MYO18B: variants seen among roughly 807,000 people sequenced by gnomAD.
MYO18B encodes the protein myosin XVIIIB.
In MYO18B, 204 loss-of-function variants were observed where a neutral mutation model predicts 273.0. That is an observed-to-expected ratio of 0.75 (90% confidence interval 0.67 to 0.84). The LOEUF is 0.84. Among genes scored for constraint, MYO18B ranks in the 40% least tolerant of loss-of-function variants. The probability of loss-of-function intolerance (pLI) is 0.00; values close to 1 mark genes in which losing one functional copy is unlikely to be tolerated. For missense variants in MYO18B, 3,212 were observed against 3,287.6 expected, an observed-to-expected ratio of 0.98 and a Z score of 0.56; for synonymous variants, 1,330 against 1,305.7, an observed-to-expected ratio of 1.02 and a Z score of -0.40.
At chr22:25,985,669 A>G (rs1187407509) in intron 39 of MYO18B, among the ~76,000 whole-genome samples, 2 of 104,030 alleles carry the variant, frequency 1.9e-5, no homozygotes, top group African/African-American at 3.3e-5. Flanking sequence ...TCGCTCTGTC[A>G]CCTAGGCTGG....
chr22:25,780,590 C>CAAAAAAAAAAA (rs59082074), intron 9 of MYO18B, among the ~76,000 whole-genome samples: 1 of 65,206 alleles, frequency 1.5e-5, no homozygotes, highest in African/African-American at 6.4e-5. Context: ...AACTCCATCT[C>CAAAAAAAAAAA]AAAAAAAAAA....
intron 28 of MYO18B, chr22:25,898,032 G>A (rs544476939): frequency 3.5e-4 from 131 of 371,508 alleles, no homozygotes; most frequent in African/African-American, 2.5e-3. Flanking sequence ...GGTAAAGTCT[G>A]TGGGTGCATT....
intron 11 of MYO18B, among the ~76,000 whole-genome samples, chr22:25,785,852 C>T (rs557391731): frequency 3.4e-4 from 52 of 152,204 alleles, no homozygotes; most frequent in African/African-American, 1.2e-3. Context: ...GTATCTGCCT[C>T]ATAGGGTTGT....
intron 21 of MYO18B, among the ~76,000 whole-genome samples, chr22:25,855,157 G>A (rs537884138): frequency 1.7e-4 from 26 of 151,996 alleles, no homozygotes; most frequent in Admixed American, 5.9e-4. Context: ...GTGTCCATTT[G>A]CTTTCATCAT....
At chr22:25,958,516 G>T (rs1205980196) in intron 39 of MYO18B, among the ~76,000 whole-genome samples, 1 of 152,134 alleles carries the variant, frequency 6.6e-6, no homozygotes, top group African/African-American at 2.4e-5. Flanking sequence ...GGAGAAGGGA[G>T]GAAGTCATAC....
chr22:25,843,863 G>A lies in MYO18B; in HGVS notation c.3337G>A (p.Asp1113Asn). ...AGCCAAGCCCAACCTCTCGGCCCTG[G>A]ATGCACCCCAGGTCCTGCACCAGTC... is the stretch of plus-strand genomic sequence containing the variant. ...HRAKPNLSALDAPQVLHQSKR... is the reference protein window; with the variant it reads ...HRAKPNLSALNAPQVLHQSKR... The change falls in exon 18 of 44, where the codon GAT becomes AAT. Residue 1113 changes from aspartate to asparagine, a missense_variant. Transcript: ENST00000335473. 6.2e-7 allele frequency: 1 copy of A among 1,612,500 alleles called. No homozygotes were observed.
At chr22:26,000,762 G>A (rs553887874) in intron 40 of MYO18B, among the ~76,000 whole-genome samples, 1 of 151,548 alleles carries the variant, frequency 6.6e-6, no homozygotes, top group South Asian at 2.1e-4. Flanking sequence ...CATCTCAAAT[G>A]GTAGGAAGCA....
chr22:25,798,112 C>T lies in MYO18B; in HGVS notation c.2521+15C>T, dbSNP rs45576534. On this transcript the variant is annotated intron_variant, in intron 12 of 43. Transcript: ENST00000335473. ...GGCCTGCAAAGGTACGTCCTTCCTG[C>T]CGGGCTCACCTGGGAGGGCAGCTGT... 9 of 1,591,910 alleles carry T rather than the reference C, an allele frequency of 5.7e-6. No homozygotes were observed. The highest frequency in any genetic ancestry group is 6.9e-6 in the Non-Finnish European group (8 of 1,165,268).
chr22:25,795,808 T>C (rs2087882730), intron 11 of MYO18B, among the ~76,000 whole-genome samples: 1 of 152,134 alleles, frequency 6.6e-6, no homozygotes, highest in Non-Finnish European at 1.5e-5. Flanking sequence ...TCCCAATTGG[T>C]TGATGATTCT....
At position 26,017,962 on chromosome 22, in the gene MYO18B, G is replaced by GTTTTTTTTTTTTTTTTTTTTTTTTTTTT. The variant is rs1339313323; in HGVS notation, c.6471-8479_6471-8478insTTTTTTTTTTTTTTTTTTTTTTTTTTTT. Among the ~76,000 whole-genome samples the GTTTTTTTTTTTTTTTTTTTTTTTTTTTT allele has an allele frequency of 1.7e-5, 2 of 117,568 alleles. 1 individual carries two copies. The highest frequency in any genetic ancestry group is 6.7e-5 in the African/African-American group (2 of 29,812). 77.1% of individuals were successfully genotyped at this position (117,568 alleles called of 152,430 possible). On this transcript the variant is annotated intron_variant, in intron 42 of 43. Transcript: ENST00000335473. ...ATCACCACCCAGCTCCAATTTTACT[G>GTTTTTTTTTTTTTTTTTTTTTTTTTTTT]TTTTGTTTTTTTTTTTTTTTTTTTT... is the stretch of plus-strand genomic sequence containing the variant.
In MYO18B at chr22:25,829,696, G is replaced by A. The variant is rs538558014; in HGVS notation, c.2979+728G>A. Among the ~76,000 whole-genome samples the A allele has an allele frequency of 9.2e-5, 14 of 152,126 alleles. No individual in the cohort carries two copies. In the South Asian group the frequency reaches 2.5e-3, roughly 27 times the overall value. ...CTACTAAAAATACAAAAATTAGCCAGACTCAGTGGCGCACGCCCATAATCC... is the reference window on the plus strand; with the variant it reads ...CTACTAAAAATACAAAAATTAGCCAAACTCAGTGGCGCACGCCCATAATCC... On this transcript the variant is annotated intron_variant, in intron 15 of 43. Coordinates refer to ENST00000335473, the MANE Select transcript of MYO18B (RefSeq NM_032608.7).
chr22:25,931,681 CTTTTTT>C (rs71311530), intron 34 of MYO18B, among the ~76,000 whole-genome samples: 2 of 123,518 alleles, frequency 1.6e-5, no homozygotes, highest in African/African-American at 3.1e-5. Context: ...TTTCTTTTTT[CTTTTTT>C]TTTTTTTTTT....
chr22:25,869,360 G>A lies in MYO18B; in HGVS notation c.3951+975G>A, dbSNP rs1461435434. Among the ~76,000 whole-genome samples the A allele has an allele frequency of 2.0e-5, 3 of 146,788 alleles. No individual in the cohort carries two copies. In the Admixed American group the frequency reaches 2.1e-4, roughly 10 times the overall value. On this transcript the variant is annotated intron_variant, in intron 22 of 43. Coordinates refer to ENST00000335473, the MANE Select transcript of MYO18B (RefSeq NM_032608.7). ...AGCTACTTGGGAGGCCGAGGCAGGAGAATCGCTTGAACCCGGGAGGCGAAG... is the reference window on the plus strand; with the variant it reads ...AGCTACTTGGGAGGCCGAGGCAGGAAAATCGCTTGAACCCGGGAGGCGAAG...
chr22:25,805,294 C>T (rs1206406783), intron 12 of MYO18B, among the ~76,000 whole-genome samples: 1 of 152,194 alleles, frequency 6.6e-6, no homozygotes, highest in African/African-American at 2.4e-5. Context: ...AGGCTGCACC[C>T]GAGCTTGGAC....
At chr22:25,767,742 G>A (rs1395607718) in intron 3 of MYO18B, among the ~76,000 whole-genome samples, 2 of 152,194 alleles carry the variant, frequency 1.3e-5, no homozygotes, top group African/African-American at 4.8e-5. Context: ...TCTACATATT[G>A]TCACACATTC....
intron 21 of MYO18B, among the ~76,000 whole-genome samples, chr22:25,855,177 A>G (rs2090530020): frequency 6.6e-6 from 1 of 151,446 alleles, no homozygotes; most frequent in African/African-American, 2.4e-5. Context: ...TTTAGCTCCC[A>G]CTTATAAGTG....
the MYO18B span, among the ~76,000 whole-genome samples, chr22:26,060,989 C>G: frequency 6.7e-6 from 1 of 148,864 alleles, no homozygotes; most frequent in Non-Finnish European, 1.5e-5. Context: ...TACACACATA[C>G]CACATATGCA....
chr22:25,760,998 CAT>C lies in MYO18B; in HGVS notation c.-94_-93del. The C allele has an allele frequency of 7.4e-7, 1 of 1,345,480 alleles. No individual in the cohort carries two copies. The highest frequency in any genetic ancestry group is 1.1e-6 in the Non-Finnish European group (1 of 942,184). The allele number at this position is 1,345,480 out of a possible 1,614,324, so 83.3% of individuals were successfully genotyped here. ...CTGTGTGTCAGTTCTGTGTCCATCT[CAT>C]GTGCTGCGTGTGTCTGTAAAGCCTC... is the stretch of plus-strand genomic sequence containing the variant. On this transcript the variant is annotated 5_prime_UTR_variant, in exon 2 of 44. The change abolishes an upstream ATG in the 5' untranslated region. Coordinates refer to ENST00000335473, the MANE Select transcript of MYO18B (RefSeq NM_032608.7).
intron 39 of MYO18B, 131 bp from the exon 40 acceptor site, chr22:25,992,232 G>C: frequency 9.1e-7 from 1 of 1,100,334 alleles, no homozygotes; most frequent in Non-Finnish European, 1.3e-6. Context: ...AGCCTCTCAC[G>C]GAGAACTTAC....
Sources: gnomAD v4.1 joint callset for allele counts (sites outside exome capture counted in the v4.1 genomes callset) on GRCh38, gnomAD v4.1.1 for gene constraint, MANE v1.5 for transcripts, NCBI Gene and HGNC (gene_info 2026-07-23, HGNC 2026-07-21) for gene names.